The following ABI2 variants were observed in gnomAD, a reference collection of about 807,000 sequenced individuals.
ABI2 encodes the protein abl interactor 2.
In ABI2, 25 loss-of-function variants were observed where a neutral mutation model predicts 59.2. The ratio of observed to expected loss-of-function variants is 0.42; its 90% CI spans 0.31 to 0.59. The LOEUF (loss-of-function observed/expected upper bound fraction) is 0.59. Among genes scored for constraint, ABI2 ranks in the 20% least tolerant of loss-of-function variants. ABI2 has a pLI of 0.14. For synonymous variants in ABI2, 213 were observed against 235.5 expected (o/e 0.90, Z 0.87); for missense variants, 545 against 681.8 (o/e 0.80, Z 2.23).
At chr2:203,395,168 A>G (rs2096921898) in intron 6 of ABI2, 5 of 695,864 alleles carry the variant, frequency 7.2e-6, no homozygotes, top group South Asian at 3.0e-5. Context: ...AAAACTATAC[A>G]TAATAAAACA....
intron 1 of ABI2, chr2:203,351,537 T>TG (rs1462535560): frequency 9.2e-6 from 4 of 433,824 alleles, no homozygotes; most frequent in African/African-American, 6.2e-5. Context: ...GTTTAGTTTT[T>TG]TTTTTTTTTT....
chr2:203,337,561 C>T (rs2077032304), intron 1 of ABI2, among the ~76,000 whole-genome samples: 1 of 152,172 alleles, frequency 6.6e-6, no homozygotes, highest in South Asian at 2.1e-4. Context: ...CATGTCCATA[C>T]TACACAAAGC....
At chr2:203,343,853 T>TATG (rs2081531104) in intron 1 of ABI2, among the ~76,000 whole-genome samples, 1 of 152,202 alleles carries the variant, frequency 6.6e-6, no homozygotes, top group South Asian at 2.1e-4. Flanking sequence ...TTTTTTGGTG[T>TATG]ATGTGGTGGC....
intron 9 of ABI2, among the ~76,000 whole-genome samples, chr2:203,406,647 T>C (rs776879629): frequency 6.6e-6 from 1 of 152,298 alleles, no homozygotes; most frequent in East Asian, 1.9e-4. Flanking sequence ...TAGCAAAGTA[T>C]AAATAAAGAG....
At chr2:203,410,633 A>G (rs1043691553) in intron 9 of ABI2, among the ~76,000 whole-genome samples, 4 of 152,188 alleles carry the variant, frequency 2.6e-5, no homozygotes, top group African/African-American at 4.8e-5. Context: ...GGATTATGAA[A>G]AATTGTAATG....
intron 1 of ABI2, among the ~76,000 whole-genome samples, chr2:203,353,557 G>A (rs2090193473): frequency 2.6e-5 from 4 of 152,160 alleles, no homozygotes; most frequent in Admixed American, 2.6e-4. Flanking sequence ...TTCTCTCACA[G>A]CAACCTCTGC....
At chr2:203,333,938 T>C in intron 1 of ABI2, among the ~76,000 whole-genome samples, 1 of 151,366 alleles carries the variant, frequency 6.6e-6, no homozygotes, top group East Asian at 1.9e-4. Context: ...TTTTCTTTTT[T>C]CTTTCTTTTT....
rs1450879425 is a variant in ABI2 at position 203,431,623 on chromosome 2, G to A, written c.*4271G>A. On this transcript the variant is annotated 3_prime_UTR_variant, in exon 12 of 12. Coordinates refer to ENST00000261018, the MANE Select transcript of ABI2 (RefSeq NM_001375670.1). ...GCCTTATAAAAGTGATTAAATGGAG[G>A]CATTGAGCTCATTACCTTTAAGTTT... The A allele has an allele frequency of 1.3e-5, 2 of 151,888 alleles. No homozygotes were observed. The highest frequency in any genetic ancestry group is 2.9e-5 in the Non-Finnish European group (2 of 67,992). 9.4% of individuals were successfully genotyped at this position (151,888 alleles called of 1,614,324 possible). A position where few individuals can be genotyped will look rare whatever the true frequency, so the allele number is the denominator to read the frequency against.
At chr2:203,384,921 G>T (rs182892286) in intron 4 of ABI2, among the ~76,000 whole-genome samples, 44 of 145,446 alleles carry the variant, frequency 3.0e-4, no homozygotes, top group Middle Eastern at 7.5e-3. Context: ...TGCAACCTCC[G>T]CCTCCCGGGT....
At chr2:203,406,465 C>T (rs2097429997) in intron 9 of ABI2, among the ~76,000 whole-genome samples, 1 of 152,142 alleles carries the variant, frequency 6.6e-6, no homozygotes, top group African/African-American at 2.4e-5. Context: ...AAGTGTCAGG[C>T]TTAGTAACCC....
chr2:203,387,692 TA>T (rs2096584011), intron 4 of ABI2, among the ~76,000 whole-genome samples: 1 of 152,088 alleles, frequency 6.6e-6, no homozygotes, highest in African/African-American at 2.4e-5. Context: ...GCCACCAGAG[TA>T]TTGTTCTAAT....
intron 1 of ABI2, among the ~76,000 whole-genome samples, chr2:203,354,803 A>C (rs561928010): frequency 6.6e-6 from 1 of 152,350 alleles, no homozygotes; most frequent in East Asian, 1.9e-4. Flanking sequence ...GTCTGTAAAC[A>C]TGCCTGCCCT....
rs2096695970 is a variant in ABI2 at position 203,390,372 on chromosome 2, C to G, written c.481-674C>G. On this transcript the variant is annotated intron_variant, in intron 4 of 11. Transcript: ENST00000261018. ...ACTGGCCGGGTGCAGTGGCTCACGCCTGTAATCCTAGCACTTTGGGAGGCC... is the reference window on the plus strand; with the variant it reads ...ACTGGCCGGGTGCAGTGGCTCACGCGTGTAATCCTAGCACTTTGGGAGGCC... Among the ~76,000 whole-genome samples the G allele has an allele frequency of 2.0e-5, 3 of 152,220 alleles. No homozygotes were observed. The South Asian group carries it at 6.2e-4, about 31-fold the overall frequency.
At chr2:203,338,311 G>T (rs1418210811) in intron 1 of ABI2, among the ~76,000 whole-genome samples, 1 of 151,998 alleles carries the variant, frequency 6.6e-6, no homozygotes, top group Non-Finnish European at 1.5e-5. Context: ...AAACTCTTTG[G>T]TATGGGTCAG....
intron 1 of ABI2, among the ~76,000 whole-genome samples, chr2:203,344,322 A>AC (rs2081830210): frequency 6.6e-6 from 1 of 152,072 alleles, no homozygotes; most frequent in Admixed American, 6.6e-5. Context: ...CTAATGATGT[A>AC]TTTCCTGATG....
At chr2:203,397,056 T>A in intron 8 of ABI2, 89 bp downstream of exon 8, 1 of 1,285,606 alleles carries the variant, frequency 7.8e-7, no homozygotes, top group Non-Finnish European at 9.8e-7. Context: ...TTTTTGGTTT[T>A]GTTGTACTTC....
intron 10 of ABI2, among the ~76,000 whole-genome samples, chr2:203,415,604 G>A (rs958080902): frequency 5.0e-5 from 6 of 120,538 alleles, no homozygotes; most frequent in African/African-American, 9.8e-5. Context: ...GCGATAGAGC[G>A]AGACTCCGTC....
At chr2:203,380,012 G>T (rs2096008808) in intron 2 of ABI2, among the ~76,000 whole-genome samples, 196 bp from the exon 3 acceptor site, 1 of 152,084 alleles carries the variant, frequency 6.6e-6, no homozygotes, top group African/African-American at 2.4e-5. Flanking sequence ...GGCCAGATTT[G>T]GCCTGTGGGC....
At position 203,396,839 on chromosome 2, in the gene ABI2, C is replaced by G. The variant is rs996324085; in HGVS notation, c.905C>G (p.Pro302Arg). ...CTTCCTGCTACTTCTGCATCTGCCC[C>G]TGCTCCTCTTGTTCCTGCTACTGTC... ...PPLPATSASA[P>R]APLVPATVPS... Residue 302 changes from proline (P) to arginine (R), a missense_variant, in exon 8 of 12, where the codon CCT (proline) becomes CGT (arginine). By Grantham distance (103) the Pro-to-Arg change is moderately radical (BLOSUM62 -2). This residue lies in a region of ABI2 where 410 missense variants were observed against 435.6 expected (regional missense o/e 0.94). Transcript: ENST00000261018. 1.3e-6 allele frequency: 2 copies of G among 1,535,362 alleles called. No individual in the cohort carries two copies. The highest frequency in any genetic ancestry group is 1.7e-6 in the Non-Finnish European group (2 of 1,146,614).
Sources: allele counts gnomAD v4.1 joint callset (sites outside exome capture counted in the v4.1 genomes callset), GRCh38; gene constraint gnomAD v4.1.1; regional missense constraint gnomAD v4.1.1; transcripts MANE v1.5; gene names NCBI Gene and HGNC (gene_info 2026-07-23, HGNC 2026-07-21).